PPFIA2: variants seen among roughly 807,000 people sequenced by gnomAD.
The protein encoded by PPFIA2 is PPFI scaffold protein A2.
Under a neutral mutation model 175.5 loss-of-function variants are expected in PPFIA2, and 46 were observed. The observed-to-expected ratio is 0.26, with a 90% CI of 0.21 to 0.34. PPFIA2 has a LOEUF of 0.34. Ranked by LOEUF, PPFIA2 falls within the 10% of genes least tolerant of loss-of-function variation. The pLI is 1.00. For missense variants in PPFIA2, 1,179 were observed against 1,506.1 expected (o/e 0.78, Z 3.60); for synonymous variants, 568 against 511.4 (o/e 1.11, Z -1.49).
chr12:81,336,144 AT>A (rs1727211894), intron 21 of PPFIA2, among the ~76,000 whole-genome samples: 1 of 152,218 alleles, frequency 6.6e-6, no homozygotes. Flanking sequence ...CAAAAGATAT[AT>A]AAAAACTTGA....
intron 4 of PPFIA2, among the ~76,000 whole-genome samples, chr12:81,571,974 C>A (rs942518941): frequency 6.6e-6 from 1 of 151,960 alleles, no homozygotes; most frequent in Non-Finnish European, 1.5e-5. Context: ...GTGGTAAACC[C>A]AATGCTGGAT....
chr12:81,298,014 T>C (rs1307554069), intron 23 of PPFIA2: 1 of 152,236 alleles, frequency 6.6e-6, no homozygotes, highest in African/African-American at 2.4e-5. Flanking sequence ...TGTCATCTCC[T>C]ATCACCTTAA....
chr12:81,413,841 AATTGATTT>A (rs1423454684), intron 7 of PPFIA2, among the ~76,000 whole-genome samples: 1 of 151,770 alleles, frequency 6.6e-6, no homozygotes, highest in African/African-American at 2.4e-5. Flanking sequence ...AAGCAATGTA[AATTGATTT>A]AGTATTCACT....
At chr12:81,287,240 C>T (rs565076191) in intron 24 of PPFIA2, among the ~76,000 whole-genome samples, 1 of 152,014 alleles carries the variant, frequency 6.6e-6, no homozygotes, top group South Asian at 2.1e-4. Flanking sequence ...GTAGCTTCTG[C>T]TTTGAATCGT....
intron 4 of PPFIA2, among the ~76,000 whole-genome samples, chr12:81,641,683 CA>C (rs902003333): frequency 1.8e-4 from 27 of 152,092 alleles, no homozygotes; most frequent in African/African-American, 6.5e-4. Context: ...CAACTGACCA[CA>C]GTCATATAAA....
chr12:81,435,556 G>A (rs2048825184), intron 7 of PPFIA2, among the ~76,000 whole-genome samples: 1 of 152,018 alleles, frequency 6.6e-6, no homozygotes, highest in Admixed American at 6.6e-5. Context: ...AAGACAAGTG[G>A]TGGTGGTGGG....
At chr12:81,739,646 T>C (rs2082094820) in intron 3 of PPFIA2, among the ~76,000 whole-genome samples, 1 of 152,012 alleles carries the variant, frequency 6.6e-6, no homozygotes, top group African/African-American at 2.4e-5. Flanking sequence ...TAAACTCTTA[T>C]AAGAATTAAT....
chr12:81,705,043 C>A (rs1413503166), intron 3 of PPFIA2, among the ~76,000 whole-genome samples: 8 of 114,666 alleles, frequency 7.0e-5, no homozygotes, highest in African/African-American at 2.3e-4. Flanking sequence ...AAGATTGTGT[C>A]ATTGCACTCC....
intron 4 of PPFIA2, among the ~76,000 whole-genome samples, chr12:81,558,769 A>G (rs1173035085): frequency 6.6e-6 from 1 of 152,092 alleles, no homozygotes; most frequent in Non-Finnish European, 1.5e-5. Flanking sequence ...AGGGATTACT[A>G]CTTTCTAATT....
intron 6 of PPFIA2, among the ~76,000 whole-genome samples, chr12:81,444,993 A>G (rs2050945853): frequency 6.6e-6 from 1 of 152,164 alleles, no homozygotes. Flanking sequence ...TTTTAAAAAT[A>G]TCTAAACACA....
rs1297778288 is a variant in PPFIA2 at position 81,347,546 on chromosome 12, C to G, written c.2219G>C (p.Gly740Ala). ...RSPAREMDRM[G>A]VMTLPSDLRK... ...ACATCACCATACCAGTGTCATGACT[C>G]CCATCCGATCCATTTCCCTGGCAGG... is the stretch of plus-strand genomic sequence containing the variant. The change falls in exon 18 of 33, where the codon GGA becomes GCA. Residue 740 changes from glycine (G) to alanine (A), a missense_variant. This residue lies in a region of PPFIA2 where 223 missense variants were observed against 241.6 expected (regional missense o/e 0.92). Transcript: ENST00000549396. The G allele has an allele frequency of 6.2e-7, 1 of 1,606,702 alleles. No individual in the cohort carries two copies. Among genetic ancestry groups the G allele is most frequent in the Non-Finnish European group, 8.5e-7 (1 of 1,173,380 alleles).
At chr12:81,542,800 C>T (rs2153346992) in intron 4 of PPFIA2, among the ~76,000 whole-genome samples, 1 of 152,174 alleles carries the variant, frequency 6.6e-6, no homozygotes, top group Non-Finnish European at 1.5e-5. Context: ...CATTCTTTTG[C>T]AATGTAATCA....
intron 4 of PPFIA2, among the ~76,000 whole-genome samples, chr12:81,514,835 G>A (rs2147893965): frequency 6.6e-6 from 1 of 151,990 alleles, no homozygotes; most frequent in African/African-American, 2.4e-5. Context: ...AAGATTGGTA[G>A]AAATAAATTA....
chr12:81,374,026 T>C (rs1342908510), intron 11 of PPFIA2, among the ~76,000 whole-genome samples: 2 of 152,086 alleles, frequency 1.3e-5, no homozygotes, highest in Non-Finnish European at 2.9e-5. Context: ...TTTAACATTA[T>C]AATGCTTGTA....
At position 81,281,124 on chromosome 12, in the gene PPFIA2, A is replaced by T. The variant is rs117188260; in HGVS notation, c.3212+133T>A. 5,191 of 689,168 alleles carry T rather than the reference A, an allele frequency of 7.5e-3. 25 individuals carry two copies. The highest frequency in any genetic ancestry group is 1.0e-2 in the Non-Finnish European group (4,445 of 445,394). 42.7% of individuals were successfully genotyped at this position (689,168 alleles called of 1,614,324 possible). On this transcript the variant is annotated intron_variant, in intron 27 of 32. Transcript: ENST00000549396. ...TGGATGAAAACATTTTTCCAAGTAG[A>T]TGTATACAAACGATGTTTCAAATGA...
At chr12:81,518,808 G>C (rs1245235450) in intron 4 of PPFIA2, among the ~76,000 whole-genome samples, 1 of 152,096 alleles carries the variant, frequency 6.6e-6, no homozygotes, top group Non-Finnish European at 1.5e-5. Context: ...TGAAACTGTG[G>C]CTAGTATGTA....
intron 4 of PPFIA2, among the ~76,000 whole-genome samples, chr12:81,638,555 T>A (rs1206608465): frequency 2.0e-5 from 3 of 151,910 alleles, no homozygotes; most frequent in Non-Finnish European, 1.5e-5. Context: ...TTGATCAATA[T>A]AAGATGAATG....
At chr12:81,715,985 C>A (rs1185864636) in intron 3 of PPFIA2, among the ~76,000 whole-genome samples, 1 of 151,086 alleles carries the variant, frequency 6.6e-6, no homozygotes. Flanking sequence ...ATTAAATTTT[C>A]TGTAACAAAT....
At position 81,368,771 on chromosome 12, in the gene PPFIA2, C is replaced by A; in HGVS notation, c.1436G>T (p.Arg479Leu). ...TCTTTCCTTTAAGTGTAGTTGTAGGCGTTCATTGGATTCAGTCAGAAGTCT... is the reference window on the plus strand; with the variant it reads ...TCTTTCCTTTAAGTGTAGTTGTAGGAGTTCATTGGATTCAGTCAGAAGTCT... ...VDRLLTESNERLQLHLKERMA... is the reference protein window; with the variant it reads ...VDRLLTESNELLQLHLKERMA... Residue 479 changes from arginine to leucine, a missense_variant, in exon 13 of 33, where the codon CGC becomes CTC. Arg to Leu is a moderately radical substitution (Grantham distance 102, BLOSUM62 -2). Transcript: ENST00000549396. 6.2e-7 allele frequency: 1 copy of A among 1,610,504 alleles called. No homozygotes were observed. Among genetic ancestry groups the A allele is most frequent in the Non-Finnish European group, 8.5e-7 (1 of 1,177,626 alleles).
Sources: gnomAD v4.1 joint callset for allele counts (sites outside exome capture counted in the v4.1 genomes callset) on GRCh38, gnomAD v4.1.1 for gene constraint, gnomAD v4.1.1 regional missense constraint, MANE v1.5 for transcripts, NCBI Gene and HGNC (gene_info 2026-07-23, HGNC 2026-07-21) for gene names.